NAALADL2: variants seen among roughly 807,000 people sequenced by gnomAD.
The protein encoded by NAALADL2 is inactive N-acetylated-alpha-linked acidic dipeptidase-like protein 2.
NAALADL2 carries 76 observed loss-of-function variants against 87.2 expected under a neutral mutation model. That is an observed-to-expected ratio of 0.87 (90% CI 0.72 to 1.05). The LOEUF is 1.05. Ranked by LOEUF, NAALADL2 falls within the 50% of genes least tolerant of loss-of-function variation. NAALADL2 has a pLI of 0.00. For synonymous variants in NAALADL2, 354 were observed against 331.0 expected (o/e 1.07, Z -0.75); for missense variants, 1,089 against 945.8 (o/e 1.15, Z -1.99).
At chr3:175,683,648 T>G (rs1405445752) in intron 11 of NAALADL2, among the ~76,000 whole-genome samples, 1 of 151,968 alleles carries the variant, frequency 6.6e-6, no homozygotes, top group African/African-American at 2.4e-5. Flanking sequence ...GCCTTGTCCA[T>G]AGAAAACACA....
intron 1 of NAALADL2, among the ~76,000 whole-genome samples, chr3:175,072,456 A>C (rs1715821652): frequency 6.6e-6 from 1 of 151,870 alleles, no homozygotes. Context: ...TTATCTAGCT[A>C]TGTCTAAAAT....
At chr3:175,488,045 A>T (rs1162988573) in intron 9 of NAALADL2, among the ~76,000 whole-genome samples, 1 of 152,238 alleles carries the variant, frequency 6.6e-6, no homozygotes, top group Non-Finnish European at 1.5e-5. Context: ...GACATTATTG[A>T]AATGGAAAAC....
rs1379925396 is a variant in NAALADL2 at position 175,510,939 on chromosome 3, C to T, written c.1653+39181C>T. 2.0e-5 allele frequency among the ~76,000 whole-genome samples: 3 copies of T among 152,150 alleles called. 1 individual carries two copies. Among genetic ancestry groups the T allele is most frequent in the Non-Finnish European group, 4.4e-5 (3 of 68,032 alleles). On this transcript the variant is annotated intron_variant, in intron 9 of 13. Coordinates refer to ENST00000454872, the MANE Select transcript of NAALADL2 (RefSeq NM_207015.3). ...GGGTGCCTCTCATATACTTAGTACT[C>T]TACAAATGTTATTTGTTACTATGGT...
intron 9 of NAALADL2, among the ~76,000 whole-genome samples, chr3:175,547,614 G>T (rs1027752764): frequency 1.3e-5 from 2 of 152,108 alleles, no homozygotes; most frequent in Non-Finnish European, 2.9e-5. Context: ...TCATCAGCGT[G>T]AATAGACAAC....
At chr3:174,605,354 C>T (rs962834467) in intron 2 of NAALADL2, among the ~76,000 whole-genome samples, 2 of 152,152 alleles carry the variant, frequency 1.3e-5, no homozygotes, top group African/African-American at 4.8e-5. Flanking sequence ...CAAGCCGAAG[C>T]AGGACGAGGC....
intron 2 of NAALADL2, among the ~76,000 whole-genome samples, chr3:175,159,879 C>A (rs1457389387): frequency 6.6e-6 from 1 of 151,528 alleles, no homozygotes; most frequent in African/African-American, 2.4e-5. Context: ...CTCTGTTGCC[C>A]AGGCTGGGGT....
chr3:174,984,061 A>G (rs558889027), intron 1 of NAALADL2, among the ~76,000 whole-genome samples: 1 of 152,326 alleles, frequency 6.6e-6, no homozygotes, highest in Admixed American at 6.5e-5. Context: ...AAGATGTCCC[A>G]CAATGATTAT....
At chr3:174,791,510 G>A in intron 3 of NAALADL2, among the ~76,000 whole-genome samples, 1 of 152,218 alleles carries the variant, frequency 6.6e-6, no homozygotes, top group East Asian at 1.9e-4. Context: ...CTAGCCTCTG[G>A]AACTGTGAGA....
intron 1 of NAALADL2, among the ~76,000 whole-genome samples, chr3:174,908,596 T>G (rs1390723066): frequency 6.6e-6 from 1 of 152,076 alleles, no homozygotes; most frequent in Non-Finnish European, 1.5e-5. Context: ...GAGAAGGAAT[T>G]TCTAATAAGA....
chr3:175,427,889 T>C (rs1717089356), intron 5 of NAALADL2, among the ~76,000 whole-genome samples: 1 of 152,176 alleles, frequency 6.6e-6, no homozygotes, highest in Admixed American at 6.6e-5. Context: ...ATTTAAATTC[T>C]TGTGGATTGG....
At chr3:175,605,577 T>G (rs917451395) in intron 10 of NAALADL2, among the ~76,000 whole-genome samples, 1 of 151,744 alleles carries the variant, frequency 6.6e-6, no homozygotes, top group Non-Finnish European at 1.5e-5. Context: ...TATGTTTTAC[T>G]CTTCCTCCTT....
intron 1 of NAALADL2, among the ~76,000 whole-genome samples, chr3:175,049,675 A>G (rs1755121292): frequency 6.6e-6 from 1 of 152,186 alleles, no homozygotes; most frequent in South Asian, 2.1e-4. Context: ...TTTATCCTTT[A>G]ATAAAAAAGG....
chr3:175,398,344 C>CTTTTTTT (rs776575751), intron 5 of NAALADL2, among the ~76,000 whole-genome samples: 1 of 112,088 alleles, frequency 8.9e-6, no homozygotes, highest in African/African-American at 3.4e-5. Flanking sequence ...GCTTCTGCTA[C>CTTTTTTT]TTTTTTTTTT....
intron 1 of NAALADL2, among the ~76,000 whole-genome samples, chr3:174,915,279 C>T (rs1254443566): frequency 6.6e-6 from 1 of 152,062 alleles, no homozygotes; most frequent in Non-Finnish European, 1.5e-5. Flanking sequence ...TGATAAAGCT[C>T]ATTTTGACAG....
intron 4 of NAALADL2, among the ~76,000 whole-genome samples, chr3:175,273,750 T>G (rs1296272307): frequency 6.8e-6 from 1 of 147,958 alleles, no homozygotes; most frequent in East Asian, 2.0e-4. Context: ...GTGTGTGTGT[T>G]AAATTATATT....
At chr3:175,471,897 G>C (rs1046529424) in intron 9 of NAALADL2, 139 bp downstream of exon 9, 4 of 755,982 alleles carry the variant, frequency 5.3e-6, no homozygotes, top group Non-Finnish European at 8.6e-6. Context: ...ATCTATTGCT[G>C]ACATTTTATC....
At chr3:175,317,150 T>C (rs1759251392) in intron 4 of NAALADL2, among the ~76,000 whole-genome samples, 2 of 152,162 alleles carry the variant, frequency 1.3e-5, no homozygotes, top group African/African-American at 4.8e-5. Flanking sequence ...ACGTTCTGTA[T>C]TGATTATAAA....
At chr3:174,867,412 A>AT (rs934543352) in intron 1 of NAALADL2, among the ~76,000 whole-genome samples, 2 of 151,920 alleles carry the variant, frequency 1.3e-5, no homozygotes, top group African/African-American at 4.8e-5. Context: ...TTAATGTGTG[A>AT]TTTTTAATTC....
chr3:175,051,686 G>A (rs1580199361), intron 1 of NAALADL2, among the ~76,000 whole-genome samples: 1 of 102,296 alleles, frequency 9.8e-6, no homozygotes, highest in South Asian at 2.6e-4. Flanking sequence ...TTACACTTAT[G>A]GAGAAGGGAT....
Sources: allele counts gnomAD v4.1 joint callset (sites outside exome capture counted in the v4.1 genomes callset), GRCh38; gene constraint gnomAD v4.1.1; transcripts MANE v1.5; gene names NCBI Gene and HGNC (gene_info 2026-07-23, HGNC 2026-07-21).